The following LUZP2 variants were observed in gnomAD, a reference collection of about 807,000 sequenced individuals.
The protein encoded by LUZP2 is leucine zipper protein 2.
LUZP2 carries 52 observed loss-of-function variants against 51.6 expected under a neutral mutation model. That is an observed-to-expected ratio of 1.01 (90% confidence interval 0.81 to 1.27). LUZP2 has a LOEUF of 1.27. Ranked by LOEUF, LUZP2 falls within the 50% of genes most tolerant of loss-of-function variation. The probability of loss-of-function intolerance (pLI) is 0.00; values close to 1 mark genes in which losing one functional copy is unlikely to be tolerated. For synonymous variants in LUZP2, 154 were observed against 137.3 expected (o/e 1.12, Z -0.85); for missense variants, 436 against 395.4 (o/e 1.10, Z -0.87).
At chr11:24,591,064 G>T (rs74429296) in intron 1 of LUZP2, among the ~76,000 whole-genome samples, 4,018 of 152,018 alleles carry the variant, frequency 0.026, 74 homozygotes, top group Non-Finnish European at 0.038. Flanking sequence ...AGCTATAATT[G>T]TGCTACTGCA....
At chr11:24,553,543 T>C (rs1371076213) in intron 1 of LUZP2, among the ~76,000 whole-genome samples, 1 of 152,096 alleles carries the variant, frequency 6.6e-6, no homozygotes, top group Admixed American at 6.6e-5. Context: ...ATAATACACA[T>C]TGGCAAATTA....
chr11:24,604,044 G>A (rs1267005100), intron 1 of LUZP2, among the ~76,000 whole-genome samples: 2 of 151,748 alleles, frequency 1.3e-5, no homozygotes. Context: ...GCAAAATTCT[G>A]TGTAATTTAC....
chr11:25,038,082 A>G (rs1273848170), intron 9 of LUZP2, among the ~76,000 whole-genome samples: 2 of 151,896 alleles, frequency 1.3e-5, no homozygotes, highest in Non-Finnish European at 2.9e-5. Flanking sequence ...TTATTTTTAT[A>G]TTAATATTAT....
chr11:25,017,672 T>G (rs79394229), intron 9 of LUZP2, among the ~76,000 whole-genome samples: 2,262 of 152,282 alleles, frequency 0.015, 60 homozygotes, highest in African/African-American at 0.052. Context: ...ATTGCATAAT[T>G]TCAAGTCAGG....
At chr11:24,765,514 C>T (rs1054204869) in intron 5 of LUZP2, among the ~76,000 whole-genome samples, 1 of 152,080 alleles carries the variant, frequency 6.6e-6, no homozygotes, top group African/African-American at 2.4e-5. Context: ...ATTGAGACAA[C>T]CGTATGGGTT....
intron 7 of LUZP2, among the ~76,000 whole-genome samples, chr11:24,954,778 A>T (rs1855169664): frequency 6.6e-6 from 1 of 152,076 alleles, no homozygotes; most frequent in Non-Finnish European, 1.5e-5. Context: ...TGAATATCAC[A>T]ATGCGTGAAA....
chr11:24,849,149 A>T (rs1336441919), intron 5 of LUZP2, among the ~76,000 whole-genome samples: 1 of 151,962 alleles, frequency 6.6e-6, no homozygotes, highest in African/African-American at 2.4e-5. Context: ...TTATTATTAT[A>T]CTTTAAGTTC....
intron 1 of LUZP2, among the ~76,000 whole-genome samples, chr11:24,673,312 A>T (rs932307538): frequency 6.6e-6 from 1 of 152,172 alleles, no homozygotes; most frequent in African/African-American, 2.4e-5. Flanking sequence ...CAAAAATGTC[A>T]TGTGGTACAC....
At chr11:24,810,070 G>A (rs1490029693) in intron 5 of LUZP2, among the ~76,000 whole-genome samples, 1 of 152,148 alleles carries the variant, frequency 6.6e-6, no homozygotes, top group Non-Finnish European at 1.5e-5. Flanking sequence ...TTTATAAGTA[G>A]TTGTGTTCCA....
intron 9 of LUZP2, among the ~76,000 whole-genome samples, chr11:25,046,762 C>G (rs932520051): frequency 5.9e-5 from 9 of 152,086 alleles, no homozygotes; most frequent in Admixed American, 5.9e-4. Context: ...AAATCATCAA[C>G]TATAATATAC....
intron 9 of LUZP2, among the ~76,000 whole-genome samples, chr11:25,027,705 A>G (rs1857533290): frequency 6.6e-6 from 1 of 151,932 alleles, no homozygotes; most frequent in African/African-American, 2.4e-5. Flanking sequence ...CCCCATCTCT[A>G]CTAAAAATAA....
At chr11:24,598,114 AAAG>A (rs1299477502) in intron 1 of LUZP2, among the ~76,000 whole-genome samples, 49 of 152,064 alleles carry the variant, frequency 3.2e-4, no homozygotes, top group African/African-American at 1.2e-3. Flanking sequence ...AAAAAAAAAA[AAAG>A]AGAGAGACAT....
chr11:24,856,398 A>C (rs1031270104), intron 5 of LUZP2, among the ~76,000 whole-genome samples: 2 of 152,306 alleles, frequency 1.3e-5, no homozygotes, highest in Admixed American at 6.5e-5. Flanking sequence ...ATCTCATGCC[A>C]GTCAGAATGG....
chr11:24,767,652 C>T (rs1276955688), intron 5 of LUZP2, among the ~76,000 whole-genome samples: 3 of 152,152 alleles, frequency 2.0e-5, no homozygotes, highest in Non-Finnish European at 2.9e-5. Flanking sequence ...GCAACGATAA[C>T]GTCACTTACA....
At chr11:24,845,143 G>A (rs1326756094) in intron 5 of LUZP2, among the ~76,000 whole-genome samples, 1 of 152,184 alleles carries the variant, frequency 6.6e-6, no homozygotes, top group African/African-American at 2.4e-5. Context: ...AGCCGGTGAA[G>A]GCAGCCAGGA....
At chr11:24,882,032 T>A (rs1165391177) in intron 5 of LUZP2, among the ~76,000 whole-genome samples, 1 of 152,012 alleles carries the variant, frequency 6.6e-6, no homozygotes. Context: ...TCTGCTCTTT[T>A]AGGAGCTTTC....
At chr11:24,876,945 A>G (rs111491245) in intron 5 of LUZP2, among the ~76,000 whole-genome samples, 25 of 152,312 alleles carry the variant, frequency 1.6e-4, no homozygotes, top group African/African-American at 5.8e-4. Context: ...TAACACCTTC[A>G]AGTAACAGAG....
chr11:24,502,713 A>G (rs1040931935), intron 1 of LUZP2, among the ~76,000 whole-genome samples: 1 of 152,150 alleles, frequency 6.6e-6, no homozygotes. Context: ...ATGGTGCTGT[A>G]CACTTTGGTG....
intron 1 of LUZP2, among the ~76,000 whole-genome samples, chr11:24,634,705 C>T (rs1369591443): frequency 3.3e-5 from 5 of 151,680 alleles, no homozygotes; most frequent in East Asian, 1.9e-4. Context: ...TCTGTTTACT[C>T]GTTTGCATTA....
Sources: gnomAD v4.1 joint callset for allele counts (sites outside exome capture counted in the v4.1 genomes callset) on GRCh38, gnomAD v4.1.1 for gene constraint, MANE v1.5 for transcripts, NCBI Gene and HGNC (gene_info 2026-07-23, HGNC 2026-07-21) for gene names.